Variants in CCDC7 observed in about 807,000 individuals in gnomAD.
CCDC7 encodes coiled-coil domain containing 7, also known as coiled-coil domain-containing protein 7.
CCDC7 carries 183 observed loss-of-function variants against 196.9 expected under a neutral mutation model. That is an observed-to-expected ratio of 0.93 (90% CI 0.82 to 1.05). The LOEUF is 1.05. Ranked by LOEUF, CCDC7 falls within the 50% of genes least tolerant of loss-of-function variation. The pLI, the probability that CCDC7 is intolerant of heterozygous loss-of-function variation, is 0.00. For synonymous variants in CCDC7, 525 were observed against 484.6 expected (o/e 1.08, Z -1.10); for missense variants, 1,540 against 1,482.2 (o/e 1.04, Z -0.64).
chr10:32,495,167 A>T (rs1378234292), intron 9 of CCDC7, among the ~76,000 whole-genome samples: 1 of 152,150 alleles, frequency 6.6e-6, no homozygotes, highest in Non-Finnish European at 1.5e-5. Context: ...ATATTTTTAT[A>T]AGTTTGTTGG....
At position 32,826,738 on chromosome 10, in the gene CCDC7, G is replaced by A. The variant is rs192136539; in HGVS notation, c.3268+2134G>A. On this transcript the variant is annotated intron_variant, in intron 32 of 41. Transcript: ENST00000639629. Reference sequence around the variant, plus strand: ...TCTGCATGTTATGCAGGCACCACTCGAAAGTGGACAGCTGCAGCACTACAG... The same window carrying A: ...TCTGCATGTTATGCAGGCACCACTCAAAAGTGGACAGCTGCAGCACTACAG... 6.6e-5 allele frequency among the ~76,000 whole-genome samples: 10 copies of A among 152,312 alleles called. No individual in the cohort carries two copies. In the East Asian group the frequency reaches 1.4e-3, roughly 21 times the overall value.
downstream of CCDC7, among the ~76,000 whole-genome samples, chr10:32,877,813 T>C (rs1416499812): frequency 6.6e-6 from 1 of 152,128 alleles, no homozygotes; most frequent in Non-Finnish European, 1.5e-5. Flanking sequence ...CTGCCTTGCA[T>C]CCCCAGACCA....
intron 18 of CCDC7, among the ~76,000 whole-genome samples, chr10:32,617,436 C>T (rs1405628712): frequency 6.6e-6 from 1 of 151,042 alleles, no homozygotes; most frequent in African/African-American, 2.4e-5. Context: ...TGCTATAAAC[C>T]CCTCTTAGCC....
chr10:32,714,353 GACAGTGCC>G (rs1471720221), intron 25 of CCDC7, among the ~76,000 whole-genome samples: 5 of 152,274 alleles, frequency 3.3e-5, no homozygotes, highest in Non-Finnish European at 7.4e-5. Flanking sequence ...TGCCATGAGG[GACAGTGCC>G]ATCTGGCCCA....
chr10:32,668,798 T>G (rs966939745), intron 21 of CCDC7, among the ~76,000 whole-genome samples: 3 of 152,174 alleles, frequency 2.0e-5, no homozygotes, highest in Non-Finnish European at 4.4e-5. Context: ...AATTTTTGCA[T>G]CAATGTTCGT....
rs981675774 is a variant in CCDC7 at position 32,574,184 on chromosome 10, CA to C, written c.1454+2296del. ...CTATACAGTGTGCTCAGGAAGAGGC[CA>C]AAAATTCATTTTGTTTGCATCCTAG... On this transcript the variant is annotated intron_variant, in intron 16 of 41. Coordinates refer to ENST00000639629, the Ensembl canonical transcript of CCDC7. Among the ~76,000 whole-genome samples, 238 of 151,452 alleles carry C rather than the reference CA, an allele frequency of 1.6e-3. 2 individuals are homozygous for C. Among genetic ancestry groups the C allele is most frequent in the African/African-American group, 4.2e-3 (175 of 41,254 alleles).
intron 21 of CCDC7, among the ~76,000 whole-genome samples, chr10:32,664,515 T>C (rs964344327): frequency 2.0e-5 from 3 of 152,050 alleles, no homozygotes; most frequent in African/African-American, 7.2e-5. Context: ...ACCATCAGCC[T>C]CTTATAACCA....
intron 30 of CCDC7, 35 bp from the exon 32 acceptor site, chr10:32,814,335 C>A (rs1241540094): frequency 7.5e-7 from 1 of 1,335,738 alleles, no homozygotes; most frequent in Admixed American, 1.7e-5. Context: ...TAAATGATTA[C>A]CTTACAGTGT....
chr10:32,843,311 G>A (rs7895509), intron 33 of CCDC7, among the ~76,000 whole-genome samples: 40 of 151,768 alleles, frequency 2.6e-4, no homozygotes, highest in African/African-American at 9.4e-4. Context: ...ATATATAGTA[G>A]TAATACACAT....
chr10:32,728,698 G>C (rs561038181), intron 26 of CCDC7, among the ~76,000 whole-genome samples, 189 bp from the exon 28 acceptor site: 1 of 152,072 alleles, frequency 6.6e-6, no homozygotes, highest in South Asian at 2.1e-4. Context: ...AACTTTATTT[G>C]ATGCTTCAGA....
At chr10:32,452,513 C>T (rs1450533388) in intron 1 of CCDC7, among the ~76,000 whole-genome samples, 2 of 152,180 alleles carry the variant, frequency 1.3e-5, no homozygotes, top group Non-Finnish European at 2.9e-5. Flanking sequence ...GCTGGAGTGC[C>T]GTGGCATGAT....
chr10:32,455,536 T>C (rs1042628431), intron 2 of CCDC7, among the ~76,000 whole-genome samples: 5 of 152,068 alleles, frequency 3.3e-5, no homozygotes, highest in Admixed American at 6.6e-5. Context: ...AGGCTGGTCT[T>C]GAACTCCTGA....
chr10:32,677,665 A>T (rs559932437), intron 21 of CCDC7, among the ~76,000 whole-genome samples: 1 of 152,070 alleles, frequency 6.6e-6, no homozygotes, highest in Non-Finnish European at 1.5e-5. Flanking sequence ...AGTTTTGACA[A>T]TTTAATGTGT....
intron 25 of CCDC7, among the ~76,000 whole-genome samples, chr10:32,715,271 C>A (rs926644386): frequency 2.6e-5 from 4 of 152,192 alleles, no homozygotes; most frequent in Non-Finnish European, 5.9e-5. Flanking sequence ...ATGGAGTGGA[C>A]CTCCAGCAAA....
At chr10:32,663,044 G>A (rs918581195) in intron 20 of CCDC7, among the ~76,000 whole-genome samples, 15 of 152,068 alleles carry the variant, frequency 9.9e-5, no homozygotes, top group Non-Finnish European at 2.1e-4. Context: ...GTTCTCATAT[G>A]TATGTAACAC....
intron 5 of CCDC7, among the ~76,000 whole-genome samples, chr10:32,470,080 T>A (rs2037631952): frequency 6.6e-6 from 1 of 152,202 alleles, no homozygotes; most frequent in Non-Finnish European, 1.5e-5. Flanking sequence ...CCTTGCCATA[T>A]CTTCCCTATA....
intron 24 of CCDC7, among the ~76,000 whole-genome samples, chr10:32,704,630 G>A (rs565968682): frequency 2.6e-5 from 4 of 152,218 alleles, no homozygotes; most frequent in South Asian, 2.1e-4. Flanking sequence ...AGGCAGGCAG[G>A]CCTCCTTGAG....
intron 18 of CCDC7, among the ~76,000 whole-genome samples, chr10:32,620,635 C>T (rs377697636): frequency 3.9e-5 from 6 of 152,210 alleles, no homozygotes; most frequent in African/African-American, 7.2e-5. Context: ...CTGCTAGACA[C>T]TGTTGATTTT....
At chr10:32,516,805 G>T (rs972002038) in intron 9 of CCDC7, among the ~76,000 whole-genome samples, 1 of 152,172 alleles carries the variant, frequency 6.6e-6, no homozygotes, top group East Asian at 1.9e-4. Flanking sequence ...CAGAAATTCT[G>T]TGTCTAGGTT....
Sources: gnomAD v4.1 joint callset for allele counts (sites outside exome capture counted in the v4.1 genomes callset) on GRCh38, gnomAD v4.1.1 for gene constraint, MANE v1.5 for transcripts, NCBI Gene and HGNC (gene_info 2026-07-23, HGNC 2026-07-21) for gene names.